Variants in ACOXL observed in about 807,000 individuals in gnomAD.
ACOXL encodes the protein acyl-CoA oxidase like, also known as acyl-coenzyme A oxidase-like protein.
In ACOXL, 70 loss-of-function variants were observed where a neutral mutation model predicts 71.9. The observed-to-expected ratio is 0.97, with a 90% confidence interval of 0.80 to 1.19. The LOEUF (loss-of-function observed/expected upper bound fraction) is 1.19. Ranked by LOEUF, ACOXL falls within the 50% of genes most tolerant of loss-of-function variation. The probability of loss-of-function intolerance (pLI) is 0.00; values close to 1 mark genes in which losing one functional copy is unlikely to be tolerated. For synonymous variants in ACOXL, 253 were observed against 281.6 expected (o/e 0.90, Z 1.02); for missense variants, 703 against 736.3 (o/e 0.95, Z 0.52).
intron 14 of ACOXL, among the ~76,000 whole-genome samples, chr2:111,022,290 A>G (rs2064799837): frequency 6.6e-6 from 1 of 152,144 alleles, no homozygotes; most frequent in Admixed American, 6.5e-5. Context: ...GCTTGAAACC[A>G]GGAGGCAGTG....
At chr2:111,035,083 G>C (rs2065449772) in intron 15 of ACOXL, among the ~76,000 whole-genome samples, 1 of 152,080 alleles carries the variant, frequency 6.6e-6, no homozygotes, top group Admixed American at 6.5e-5. Flanking sequence ...TGCCAGGGTG[G>C]TCTCAATCTC....
intron 10 of ACOXL, among the ~76,000 whole-genome samples, chr2:110,843,564 T>C (rs1691440333): frequency 6.6e-6 from 1 of 152,226 alleles, no homozygotes; most frequent in African/African-American, 2.4e-5. Context: ...GTTCTACTAG[T>C]TCAGCCTTGA....
chr2:111,051,689 T>C (rs560227869), intron 16 of ACOXL, among the ~76,000 whole-genome samples: 3 of 152,240 alleles, frequency 2.0e-5, no homozygotes, highest in Middle Eastern at 6.8e-3. Context: ...AGGCTGGTCT[T>C]GAACTCCTGA....
At chr2:111,008,627 G>T (rs1200385904) in intron 14 of ACOXL, among the ~76,000 whole-genome samples, 1 of 152,028 alleles carries the variant, frequency 6.6e-6, no homozygotes, top group African/African-American at 2.4e-5. Context: ...ATATCTTCAG[G>T]GTAGGTTTCT....
chr2:110,816,228 A>T (rs1687904844), intron 9 of ACOXL, among the ~76,000 whole-genome samples: 1 of 151,970 alleles, frequency 6.6e-6, no homozygotes, highest in African/African-American at 2.4e-5. Flanking sequence ...GGATGGATGG[A>T]TGGATGGATG....
chr2:111,057,895 T>C (rs1340816384), intron 16 of ACOXL, among the ~76,000 whole-genome samples: 1 of 152,210 alleles, frequency 6.6e-6, no homozygotes, highest in Non-Finnish European at 1.5e-5. Flanking sequence ...GAAGTACAAA[T>C]CCTGGTGTTC....
chr2:110,758,672 T>C (rs1680001264), intron 1 of ACOXL, among the ~76,000 whole-genome samples: 1 of 152,222 alleles, frequency 6.6e-6, no homozygotes, highest in Admixed American at 6.5e-5. Flanking sequence ...CTTGTCTATC[T>C]CCTTCAGTTC....
intron 8 of ACOXL, among the ~76,000 whole-genome samples, chr2:110,803,172 A>G (rs1686204052): frequency 6.6e-6 from 1 of 152,220 alleles, no homozygotes; most frequent in Non-Finnish European, 1.5e-5. Context: ...AGGCCCCCTC[A>G]GGACCACCAG....
intron 14 of ACOXL, among the ~76,000 whole-genome samples, chr2:111,015,568 T>C (rs2064384900): frequency 6.6e-6 from 1 of 152,218 alleles, no homozygotes. Context: ...CAGTTTCTTA[T>C]AAGGTTAAAA....
intron 15 of ACOXL, among the ~76,000 whole-genome samples, chr2:111,032,237 G>A (rs555484099): frequency 1.3e-4 from 19 of 151,918 alleles, no homozygotes; most frequent in Non-Finnish European, 2.8e-4. Flanking sequence ...TGGATGTTTG[G>A]CAATGTTTAG....
chr2:110,755,725 A>C (rs186876084), intron 1 of ACOXL, among the ~76,000 whole-genome samples: 1 of 152,184 alleles, frequency 6.6e-6, no homozygotes, highest in African/African-American at 2.4e-5. Context: ...GTTCTTTTTA[A>C]CTATGCAATT....
chr2:110,958,169 ACT>A (rs1284596316), intron 12 of ACOXL, among the ~76,000 whole-genome samples: 2 of 152,110 alleles, frequency 1.3e-5, no homozygotes, highest in Admixed American at 6.5e-5. Context: ...TCTCATGCAT[ACT>A]CTCTCTACTT....
intron 12 of ACOXL, chr2:110,967,824 G>C (rs1469537073): frequency 9.7e-7 from 1 of 1,031,398 alleles, no homozygotes; most frequent in East Asian, 2.4e-5. Flanking sequence ...GTGGGTCTCT[G>C]TTTTGCAGGA....
At chr2:110,823,059 C>G (rs1688801571) in intron 9 of ACOXL, among the ~76,000 whole-genome samples, 1 of 152,076 alleles carries the variant, frequency 6.6e-6, no homozygotes, top group African/African-American at 2.4e-5. Context: ...TCGAGACCAG[C>G]CTGGCCTACC....
At chr2:110,769,257 AG>A (rs1288283768) in intron 2 of ACOXL, among the ~76,000 whole-genome samples, 1 of 152,016 alleles carries the variant, frequency 6.6e-6, no homozygotes, top group Non-Finnish European at 1.5e-5. Context: ...AAAGAAAGAA[AG>A]AAAGAAAAAA....
In ACOXL at chr2:110,784,759, C is replaced by G. The variant is rs750745087; in HGVS notation, c.103C>G (p.Arg35Gly). The change falls in exon 3 of 18, where the codon CGA (arginine) becomes GGA (glycine). Residue 35 changes from arginine to glycine, a missense_variant. By Grantham distance (125) the Arg-to-Gly change is moderately radical (BLOSUM62 -2). Transcript: ENST00000439055. ...LAEKTKNFVS[R>G]SLVIGEVLSM... Reference sequence around the variant, plus strand: ...AGAGAAAACAAAGAATTTTGTCAGCCGAAGCCTTGTCATAGGAGAAGTCCT... The same window carrying G: ...AGAGAAAACAAAGAATTTTGTCAGCGGAAGCCTTGTCATAGGAGAAGTCCT... The G allele has an allele frequency of 1.2e-6, 2 of 1,607,474 alleles. No individual in the cohort carries two copies. The highest frequency in any genetic ancestry group is 1.7e-6 in the Non-Finnish European group (2 of 1,177,428).
chr2:110,922,326 G>A (rs1320432201), intron 11 of ACOXL, among the ~76,000 whole-genome samples: 1 of 152,150 alleles, frequency 6.6e-6, no homozygotes, highest in Non-Finnish European at 1.5e-5. Flanking sequence ...GTTTAAATTG[G>A]ATCAAAATAA....
At chr2:110,767,868 A>G (rs1681296021) in intron 1 of ACOXL, among the ~76,000 whole-genome samples, 1 of 151,202 alleles carries the variant, frequency 6.6e-6, no homozygotes, top group African/African-American at 2.4e-5. Flanking sequence ...GGTGGATCAC[A>G]AGGTCAGGAG....
At chr2:110,765,318 G>C (rs1680909967) in intron 1 of ACOXL, among the ~76,000 whole-genome samples, 2 of 152,090 alleles carry the variant, frequency 1.3e-5, no homozygotes. Context: ...GGTTTATTAT[G>C]TCTTTTACCA....
Sources: allele counts gnomAD v4.1 joint callset (sites outside exome capture counted in the v4.1 genomes callset), GRCh38; gene constraint gnomAD v4.1.1; transcripts MANE v1.5; gene names NCBI Gene and HGNC (gene_info 2026-07-23, HGNC 2026-07-21).